The following CTNNA2 variants were observed in gnomAD, a reference collection of about 807,000 sequenced individuals.
The protein encoded by CTNNA2 is catenin alpha-2.
In CTNNA2, 42 loss-of-function variants were observed where a neutral mutation model predicts 101.0. The observed-to-expected ratio is 0.42, with a 90% CI of 0.32 to 0.54. The LOEUF (loss-of-function observed/expected upper bound fraction) is 0.54, where lower values mean the gene tolerates loss of function less well. Ranked by LOEUF, CTNNA2 falls within the 20% of genes least tolerant of loss-of-function variation. CTNNA2 has a pLI of 0.14. For synonymous variants in CTNNA2, 450 were observed against 456.4 expected (o/e 0.99, Z 0.18); for missense variants, 871 against 1,223.1 (o/e 0.71, Z 4.29).
At chr2:79,724,814 CAA>C (rs60016527) in intron 2 of CTNNA2, among the ~76,000 whole-genome samples, 49 of 74,072 alleles carry the variant, frequency 6.6e-4, no homozygotes, top group Non-Finnish European at 7.9e-4. Flanking sequence ...GACTCCACCT[CAA>C]AAAAAAAAAA....
intron 3 of CTNNA2, among the ~76,000 whole-genome samples, chr2:79,785,841 G>C (rs1025272207): frequency 6.6e-6 from 1 of 152,116 alleles, no homozygotes; most frequent in Admixed American, 6.5e-5. Flanking sequence ...TCCTATGATA[G>C]GGTATTTCTA....
At chr2:80,240,555 T>A (rs1483699528) in intron 7 of CTNNA2, among the ~76,000 whole-genome samples, 1 of 152,186 alleles carries the variant, frequency 6.6e-6, no homozygotes, top group African/African-American at 2.4e-5. Flanking sequence ...CATGGTACAT[T>A]AACATATATT....
At chr2:79,733,890 GA>G (rs1334821934) in intron 2 of CTNNA2, among the ~76,000 whole-genome samples, 1 of 152,232 alleles carries the variant, frequency 6.6e-6, no homozygotes, top group African/African-American at 2.4e-5. Flanking sequence ...AAAAGATGAT[GA>G]ATGTTGGGAT....
intron 7 of CTNNA2, among the ~76,000 whole-genome samples, chr2:80,002,325 G>A (rs575027766): frequency 1.3e-5 from 2 of 152,272 alleles, no homozygotes; most frequent in Admixed American, 1.3e-4. Flanking sequence ...AGACCACCAT[G>A]AAAGTGTTTT....
intron 1 of CTNNA2, among the ~76,000 whole-genome samples, chr2:79,527,789 A>G (rs1672505285): frequency 6.6e-6 from 1 of 152,182 alleles, no homozygotes; most frequent in African/African-American, 2.4e-5. Context: ...AAATTTCCTT[A>G]TGACCCAACA....
intron 7 of CTNNA2, among the ~76,000 whole-genome samples, chr2:80,151,393 A>T (rs754240533): frequency 2.0e-5 from 3 of 152,124 alleles, no homozygotes; most frequent in Non-Finnish European, 4.4e-5. Flanking sequence ...GAGGAGTTCT[A>T]ACACTAATGA....
At chr2:79,627,337 G>A (rs551946304) in intron 1 of CTNNA2, among the ~76,000 whole-genome samples, 2 of 152,334 alleles carry the variant, frequency 1.3e-5, no homozygotes, top group East Asian at 3.9e-4. Flanking sequence ...AGCTCCCAGA[G>A]CTGTTTGAAA....
At chr2:79,501,974 T>C (rs1671325360) in intron 4 of CTNNA2, among the ~76,000 whole-genome samples, 1 of 151,376 alleles carries the variant, frequency 6.6e-6, no homozygotes, top group Non-Finnish European at 1.5e-5. Flanking sequence ...TCTTTTTTTT[T>C]TTTTTTTTTT....
chr2:79,874,154 A>G lies in CTNNA2; in HGVS notation c.664A>G (p.Thr222Ala), dbSNP rs1213521765. 6.2e-7 allele frequency: 1 copy of G among 1,614,194 alleles called. No homozygotes were observed. Among genetic ancestry groups the G allele is most frequent in the Non-Finnish European group, 8.5e-7 (1 of 1,180,036 alleles). ...GAAGAAGAATGCCACAATGCTGTAC[A>G]CGGCCTCTCAAGCATTTCTCCGCCA... ...ALKKNATMLY[T>A]ASQAFLRHPD... is the part of the protein sequence containing the mutation. Residue 222 changes from threonine to alanine, a missense_variant, in exon 6 of 19, where the codon ACG becomes GCG. This residue lies in a region of CTNNA2 where 647 missense variants were observed against 831.5 expected (regional missense o/e 0.78). Coordinates refer to ENST00000402739, the MANE Select transcript of CTNNA2 (RefSeq NM_001282597.3).
chr2:79,673,432 C>T (rs1255006593), intron 2 of CTNNA2, among the ~76,000 whole-genome samples: 2 of 152,000 alleles, frequency 1.3e-5, no homozygotes, highest in Non-Finnish European at 2.9e-5. Flanking sequence ...TAAATTATAG[C>T]TTTGTAGGAG....
intron 9 of CTNNA2, among the ~76,000 whole-genome samples, chr2:80,429,420 C>T (rs552575665): frequency 2.0e-5 from 3 of 152,146 alleles, no homozygotes; most frequent in East Asian, 3.9e-4. Flanking sequence ...TGCATAAGCC[C>T]GAGTATCCCA....
intron 2 of CTNNA2, among the ~76,000 whole-genome samples, chr2:79,207,365 C>A (rs1303945954): frequency 6.6e-6 from 1 of 152,144 alleles, no homozygotes; most frequent in African/African-American, 2.4e-5. Context: ...CCTAAAGCTA[C>A]CCCTTAAGGT....
At chr2:79,618,000 C>G (rs1025006317) in intron 1 of CTNNA2, among the ~76,000 whole-genome samples, 2 of 152,170 alleles carry the variant, frequency 1.3e-5, no homozygotes, top group African/African-American at 4.8e-5. Context: ...AGTAAATCCT[C>G]CCTCATATCT....
intron 2 of CTNNA2, among the ~76,000 whole-genome samples, chr2:79,732,907 C>A (rs1226195134): frequency 6.6e-6 from 1 of 151,936 alleles, no homozygotes; most frequent in Non-Finnish European, 1.5e-5. Context: ...AAACAAAAAA[C>A]AAAAAACAAA....
intron 4 of CTNNA2, among the ~76,000 whole-genome samples, chr2:79,384,223 T>C (rs1342654408): frequency 2.0e-5 from 3 of 152,194 alleles, no homozygotes; most frequent in African/African-American, 4.8e-5. Flanking sequence ...CTTTCATCAT[T>C]TCCAGCTTAA....
At chr2:79,631,321 T>C (rs1558786112) in intron 1 of CTNNA2, among the ~76,000 whole-genome samples, 1 of 152,218 alleles carries the variant, frequency 6.6e-6, no homozygotes, top group Non-Finnish European at 1.5e-5. Context: ...CAGTGCTCTC[T>C]GTATACCCAA....
At chr2:80,294,582 G>C (rs544748174) in intron 7 of CTNNA2, among the ~76,000 whole-genome samples, 1 of 152,050 alleles carries the variant, frequency 6.6e-6, no homozygotes, top group Admixed American at 6.6e-5. Flanking sequence ...TAGGCAACCC[G>C]CTAGCTCAGT....
chr2:79,340,733 C>G (rs1397115392), intron 3 of CTNNA2, among the ~76,000 whole-genome samples: 1 of 147,664 alleles, frequency 6.8e-6, no homozygotes, highest in Non-Finnish European at 1.5e-5. Context: ...ACTGGGGAGG[C>G]TGAGGCAGGA....
chr2:79,308,852 A>C (rs1283728460), intron 2 of CTNNA2, among the ~76,000 whole-genome samples: 2 of 150,400 alleles, frequency 1.3e-5, no homozygotes, highest in Non-Finnish European at 3.0e-5. Flanking sequence ...TATTTTCTTC[A>C]AATGATTTTG....
Sources: gnomAD v4.1 joint callset for allele counts (sites outside exome capture counted in the v4.1 genomes callset) on GRCh38, gnomAD v4.1.1 for gene constraint, gnomAD v4.1.1 regional missense constraint, MANE v1.5 for transcripts, NCBI Gene and HGNC (gene_info 2026-07-23, HGNC 2026-07-21) for gene names.